TASP1: variants seen among roughly 807,000 people sequenced by gnomAD.
The protein encoded by TASP1 is taspase 1, also known as threonine aspartase 1.
In TASP1, 16 loss-of-function variants were observed where a neutral mutation model predicts 56.6. The ratio of observed to expected loss-of-function variants is 0.28; its 90% CI spans 0.19 to 0.43. The LOEUF (loss-of-function observed/expected upper bound fraction) is 0.43, where lower values mean the gene tolerates loss of function less well. TASP1 is among the 20% of genes least tolerant of loss of function. TASP1 has a pLI of 1.00. For missense variants in TASP1, 393 were observed against 511.6 expected, an observed-to-expected ratio of 0.77 and a Z score of 2.24; for synonymous variants, 179 against 184.2, an observed-to-expected ratio of 0.97 and a Z score of 0.23.
chr20:13,288,548 G>A, the TASP1 span: 1 of 1,613,792 alleles, frequency 6.2e-7, no homozygotes, highest in South Asian at 1.1e-5. Context: ...AGATTCCACA[G>A]ATGGCGAGGG....
At chr20:13,281,304 T>G in the TASP1 span, among the ~76,000 whole-genome samples, 1 of 152,174 alleles carries the variant, frequency 6.6e-6, no homozygotes, top group African/African-American at 2.4e-5. Context: ...CCAGGGGAAC[T>G]GAAAGAGAAC....
the TASP1 span, among the ~76,000 whole-genome samples, chr20:13,159,174 T>TA: frequency 6.6e-6 from 1 of 152,248 alleles, no homozygotes; most frequent in Non-Finnish European, 1.5e-5. Context: ...GGAAAAGAAA[T>TA]AGACTAGAAG....
chr20:13,347,318 G>A, the TASP1 span, among the ~76,000 whole-genome samples: 9 of 152,142 alleles, frequency 5.9e-5, no homozygotes, highest in Non-Finnish European at 1.0e-4. Flanking sequence ...AGACAGAATG[G>A]CCTATTGGTC....
At position 13,607,732 on chromosome 20, in the gene TASP1, G is replaced by C. The variant is rs145997781; in HGVS notation, c.282+15714C>G. ...GAATATATAACTCTTGTTGAAAATTGAATGTCCTATCAAAATCATTTTAAT... is the reference window on the plus strand; with the variant it reads ...GAATATATAACTCTTGTTGAAAATTCAATGTCCTATCAAAATCATTTTAAT... On this transcript the variant is annotated intron_variant, in intron 4 of 13. Transcript: ENST00000337743. Among the ~76,000 whole-genome samples, 542 of 152,228 alleles carry C rather than the reference G, an allele frequency of 3.6e-3. 3 individuals are homozygous for C. Among genetic ancestry groups the C allele is most frequent in the African/African-American group, 0.012 (511 of 41,544 alleles).
intron 11 of TASP1, among the ~76,000 whole-genome samples, chr20:13,472,320 T>C (rs991330159): frequency 6.0e-5 from 9 of 150,958 alleles, no homozygotes; most frequent in African/African-American, 9.8e-5. Flanking sequence ...TTACACCTTA[T>C]ACAAAAATTA....
chr20:13,236,706 G>A, the TASP1 span, among the ~76,000 whole-genome samples: 1 of 152,310 alleles, frequency 6.6e-6, no homozygotes, highest in Middle Eastern at 3.4e-3. Context: ...TTCCAAATGG[G>A]AGAAACTGGC....
the TASP1 span, among the ~76,000 whole-genome samples, chr20:13,118,125 G>A: frequency 1.3e-5 from 2 of 152,192 alleles, no homozygotes; most frequent in East Asian, 3.9e-4. Context: ...GAAGTGATAA[G>A]GGATGTTCTG....
chr20:13,269,353 C>T, the TASP1 span, among the ~76,000 whole-genome samples: 60 of 152,148 alleles, frequency 3.9e-4, no homozygotes, highest in Non-Finnish European at 1.2e-4. Context: ...GAAATTTCCC[C>T]ATAGTGATAA....
At chr20:13,247,078 A>G in the TASP1 span, among the ~76,000 whole-genome samples, 1 of 152,082 alleles carries the variant, frequency 6.6e-6, no homozygotes, top group Non-Finnish European at 1.5e-5. Flanking sequence ...TCTACTGAAA[A>G]TACAAAGCCA....
the TASP1 span, among the ~76,000 whole-genome samples, chr20:13,250,777 T>C: frequency 3.3e-5 from 5 of 152,214 alleles, no homozygotes; most frequent in African/African-American, 1.2e-4. Context: ...AATGAGTAAA[T>C]GGATACATGC....
the TASP1 span, among the ~76,000 whole-genome samples, chr20:13,259,481 A>T: frequency 6.6e-6 from 1 of 152,198 alleles, no homozygotes; most frequent in Non-Finnish European, 1.5e-5. Flanking sequence ...TGTGAATCTC[A>T]TACAAATAAA....
intron 6 of TASP1, among the ~76,000 whole-genome samples, chr20:13,573,662 T>C (rs1759806666): frequency 6.6e-6 from 1 of 152,172 alleles, no homozygotes; most frequent in Non-Finnish European, 1.5e-5. Context: ...CTTCCAGGTA[T>C]GTGAGAGATT....
chr20:13,598,977 G>A (rs1291267174), intron 4 of TASP1, among the ~76,000 whole-genome samples: 5 of 152,120 alleles, frequency 3.3e-5, no homozygotes, highest in African/African-American at 9.7e-5. Flanking sequence ...ACCACAATGA[G>A]ATACCATCTC....
intron 6 of TASP1, among the ~76,000 whole-genome samples, chr20:13,579,169 G>C (rs1200420805): frequency 6.6e-6 from 1 of 152,166 alleles, no homozygotes; most frequent in Non-Finnish European, 1.5e-5. Context: ...AAAGAACACA[G>C]TCATGTTTAA....
chr20:13,485,603 T>C (rs1278270380), intron 10 of TASP1, among the ~76,000 whole-genome samples: 1 of 152,226 alleles, frequency 6.6e-6, no homozygotes, highest in Non-Finnish European at 1.5e-5. Context: ...AAGGAAGATC[T>C]AGATACATAA....
chr20:13,167,078 C>G, the TASP1 span: 6 of 152,080 alleles, frequency 3.9e-5, no homozygotes, highest in Admixed American at 1.3e-4. Context: ...CAGGTATAAT[C>G]CAAGTAGAAT....
chr20:13,454,538 G>C (rs1050766143), intron 11 of TASP1, among the ~76,000 whole-genome samples: 1 of 152,180 alleles, frequency 6.6e-6, no homozygotes, highest in Admixed American at 6.5e-5. Context: ...ACTGAAGCCA[G>C]GTGCTCTACC....
At chr20:13,506,310 CCAAA>C (rs1300547036) in intron 10 of TASP1, among the ~76,000 whole-genome samples, 2 of 152,116 alleles carry the variant, frequency 1.3e-5, no homozygotes, top group Non-Finnish European at 2.9e-5. Context: ...CTGAGTTCTA[CCAAA>C]CATTTAAAGA....
At chr20:13,200,145 T>C in the TASP1 span, among the ~76,000 whole-genome samples, 1 of 151,982 alleles carries the variant, frequency 6.6e-6, no homozygotes, top group Non-Finnish European at 1.5e-5. Context: ...TCTGATTCCT[T>C]CATCATCTCA....
Sources: gnomAD v4.1 joint callset for allele counts (sites outside exome capture counted in the v4.1 genomes callset) on GRCh38, gnomAD v4.1.1 for gene constraint, MANE v1.5 for transcripts, NCBI Gene and HGNC (gene_info 2026-07-23, HGNC 2026-07-21) for gene names.